CNTNAP2: variants seen among roughly 807,000 people sequenced by gnomAD.
CNTNAP2 encodes contactin associated protein 2, also known as contactin-associated protein-like 2.
A neutral mutation model predicts 155.2 loss-of-function variants in CNTNAP2; 98 were observed. That is an observed-to-expected ratio of 0.63 (90% CI 0.54 to 0.75). CNTNAP2 has a LOEUF of 0.75. CNTNAP2 is among the 30% of genes least tolerant of loss of function. CNTNAP2 has a pLI of 0.00. For missense variants in CNTNAP2, 1,727 were observed against 1,688.1 expected, an observed-to-expected ratio of 1.02 and a Z score of -0.40; for synonymous variants, 651 against 631.2, an observed-to-expected ratio of 1.03 and a Z score of -0.47.
At chr7:147,151,896 T>C (rs1801834721) in intron 8 of CNTNAP2, among the ~76,000 whole-genome samples, 1 of 152,154 alleles carries the variant, frequency 6.6e-6, no homozygotes, top group Non-Finnish European at 1.5e-5. Flanking sequence ...CATGCACTAA[T>C]GTGGAAATGG....
intron 22 of CNTNAP2, among the ~76,000 whole-genome samples, chr7:148,406,142 G>A (rs1799699880): frequency 6.6e-6 from 1 of 151,998 alleles, no homozygotes; most frequent in South Asian, 2.1e-4. Context: ...TGAGGCAGGA[G>A]AATGGCGTGA....
chr7:147,921,942 G>A (rs1324214816), intron 14 of CNTNAP2, among the ~76,000 whole-genome samples: 3 of 152,162 alleles, frequency 2.0e-5, no homozygotes, highest in African/African-American at 7.2e-5. Flanking sequence ...TGGGATTTTA[G>A]AGCACACATT....
chr7:147,317,965 A>G (rs978718049), intron 9 of CNTNAP2, among the ~76,000 whole-genome samples: 5 of 152,088 alleles, frequency 3.3e-5, no homozygotes, highest in Admixed American at 6.6e-5. Flanking sequence ...TGTAAAAGAA[A>G]GTAAAACAGA....
chr7:146,463,109 G>A (rs192892790), intron 1 of CNTNAP2, among the ~76,000 whole-genome samples: 12 of 152,240 alleles, frequency 7.9e-5, no homozygotes, highest in Admixed American at 5.9e-4. Flanking sequence ...GGAAGAAATA[G>A]AGGGAGGAAA....
rs150128263 is a variant in CNTNAP2 at position 146,905,097 on chromosome 7, G to C, written c.402+65193G>C. Among the ~76,000 whole-genome samples the C allele has an allele frequency of 2.9e-4, 44 of 152,152 alleles. No homozygotes were observed. In the East Asian group the frequency reaches 7.8e-3, roughly 27 times the overall value. ...TTGCTTAGCCGAATCCTTCCCATAG[G>C]CCTAACAGGTGCCAGATACTAGTAA... is the stretch of plus-strand genomic sequence containing the variant. On this transcript the variant is annotated intron_variant, in intron 3 of 23. Coordinates refer to ENST00000361727, the MANE Select transcript of CNTNAP2 (RefSeq NM_014141.6).
At chr7:147,233,281 G>A (rs1406499326) in intron 8 of CNTNAP2, among the ~76,000 whole-genome samples, 8 of 152,106 alleles carry the variant, frequency 5.3e-5, no homozygotes, top group Admixed American at 2.0e-4. Context: ...TCCATGACAC[G>A]GCTTGATGGA....
intron 13 of CNTNAP2, among the ~76,000 whole-genome samples, chr7:147,882,797 A>C (rs558296064): frequency 1.3e-4 from 20 of 151,302 alleles, no homozygotes; most frequent in Non-Finnish European, 2.2e-4. Context: ...GAAATCCAAT[A>C]AGTGGATTTC....
chr7:146,324,013 A>G (rs1801052856), intron 1 of CNTNAP2, among the ~76,000 whole-genome samples: 1 of 152,138 alleles, frequency 6.6e-6, no homozygotes, highest in Admixed American at 6.5e-5. Flanking sequence ...TCTTATAAGG[A>G]CTGTGCATTG....
chr7:146,304,001 G>A (rs1398470626), intron 1 of CNTNAP2, among the ~76,000 whole-genome samples: 1 of 151,740 alleles, frequency 6.6e-6, no homozygotes, highest in Non-Finnish European at 1.5e-5. Context: ...TTGTTGAATT[G>A]ATCCCTTTAC....
At chr7:148,263,966 C>T (rs1342818143) in intron 20 of CNTNAP2, among the ~76,000 whole-genome samples, 2 of 152,112 alleles carry the variant, frequency 1.3e-5, no homozygotes, top group East Asian at 3.8e-4. Flanking sequence ...AAGGTACCTC[C>T]ACTGTGTGGG....
intron 2 of CNTNAP2, among the ~76,000 whole-genome samples, chr7:146,836,115 T>G (rs543459577): frequency 8.1e-4 from 124 of 152,324 alleles, no homozygotes; most frequent in Non-Finnish European, 1.4e-3. Context: ...AGTAGTTACA[T>G]CGTTTGCACA....
At chr7:148,182,921 T>C (rs1795060930) in intron 18 of CNTNAP2, among the ~76,000 whole-genome samples, 1 of 152,232 alleles carries the variant, frequency 6.6e-6, no homozygotes, top group African/African-American at 2.4e-5. Context: ...GTATTCAAGT[T>C]CTATAAGGCA....
At chr7:146,544,814 C>T (rs1798005765) in intron 1 of CNTNAP2, among the ~76,000 whole-genome samples, 2 of 151,782 alleles carry the variant, frequency 1.3e-5, no homozygotes, top group Non-Finnish European at 2.9e-5. Flanking sequence ...AGATTGCAAA[C>T]CAGTCTCAGA....
intron 14 of CNTNAP2, among the ~76,000 whole-genome samples, chr7:147,957,877 CCAGTCTGGACAA>C (rs138582342): frequency 0.017 from 2,513 of 152,066 alleles, 85 homozygotes; most frequent in African/African-American, 0.057. Context: ...GAGTTGGAGA[CCAGTCTGGACAA>C]CATGAGGAGA....
intron 8 of CNTNAP2, among the ~76,000 whole-genome samples, chr7:147,295,045 T>C (rs1406786557): frequency 2.0e-5 from 3 of 152,174 alleles, no homozygotes; most frequent in African/African-American, 7.2e-5. Context: ...CTTAATAATA[T>C]AGATACACTG....
At chr7:147,393,315 A>G (rs1459006702) in intron 9 of CNTNAP2, among the ~76,000 whole-genome samples, 1 of 152,148 alleles carries the variant, frequency 6.6e-6, no homozygotes, top group Non-Finnish European at 1.5e-5. Context: ...GAACATTGTT[A>G]TAAGCGAATG....
intron 8 of CNTNAP2, among the ~76,000 whole-genome samples, chr7:147,153,226 G>A (rs1429745441): frequency 6.6e-6 from 1 of 151,948 alleles, no homozygotes; most frequent in Non-Finnish European, 1.5e-5. Flanking sequence ...CTGTGTTCTG[G>A]GCATATAATA....
At chr7:146,216,639 C>T (rs911445709) in intron 1 of CNTNAP2, among the ~76,000 whole-genome samples, 5 of 152,178 alleles carry the variant, frequency 3.3e-5, no homozygotes, top group African/African-American at 7.2e-5. Context: ...TCCTCTTTTA[C>T]GTAATCCCAT....
At chr7:147,252,363 T>C (rs1804218849) in intron 8 of CNTNAP2, among the ~76,000 whole-genome samples, 2 of 152,222 alleles carry the variant, frequency 1.3e-5, no homozygotes, top group Admixed American at 1.3e-4. Flanking sequence ...ATTCTAATTA[T>C]TTTCAGGAAG....
Sources: gnomAD v4.1 joint callset for allele counts (sites outside exome capture counted in the v4.1 genomes callset) on GRCh38, gnomAD v4.1.1 for gene constraint, MANE v1.5 for transcripts, NCBI Gene and HGNC (gene_info 2026-07-23, HGNC 2026-07-21) for gene names.